The following VWF variants were observed in gnomAD, a reference collection of about 807,000 sequenced individuals.
The protein encoded by VWF is von Willebrand factor, also known as Factor VIII related antigen.
Under a neutral mutation model 308.6 loss-of-function variants are expected in VWF, and 176 were observed. The ratio of observed to expected loss-of-function variants is 0.57; its 90% CI spans 0.50 to 0.65. The LOEUF (loss-of-function observed/expected upper bound fraction) is 0.65. Ranked by LOEUF, VWF falls within the 30% of genes least tolerant of loss-of-function variation. The pLI is 0.00. For synonymous variants in VWF, 1,385 were observed against 1,443.4 expected (o/e 0.96, Z 0.92); for missense variants, 3,146 against 3,648.2 (o/e 0.86, Z 3.55).
rs1435775407 is a variant in VWF, at chr12:6,025,663, G to A, written c.3139C>T (p.His1047Tyr). The part of the protein sequence containing the change: ...VPLDSSPATC[H>Y]NNIMKQTMVD... ...ATCGTCTGCTTCATGATGTTGTTAT[G>A]GCAGGTGGCAGGGGATGAGTCCAGA... is the stretch of plus-strand genomic sequence containing the variant. Residue 1047 changes from histidine to tyrosine, a missense_variant, in exon 24 of 52, where the codon CAT becomes TAT. By Grantham distance (83) the His-to-Tyr change is moderately conservative. Around this residue, in one of 3 missense-constraint regions of VWF, gnomAD observed 853 missense variants for 1,177.8 expected, o/e 0.72. Transcript: ENST00000261405. The A allele has an allele frequency of 1.9e-6, 3 of 1,565,706 alleles. No individual in the cohort carries two copies.
intron 3 of VWF, among the ~76,000 whole-genome samples, chr12:6,115,222 C>T (rs1289352664): frequency 6.6e-6 from 1 of 151,762 alleles, no homozygotes; most frequent in Non-Finnish European, 1.5e-5. Flanking sequence ...TATTTTTGTA[C>T]AGATGGGGGT....
intron 6 of VWF, among the ~76,000 whole-genome samples, chr12:6,081,509 T>C (rs1944909966): frequency 1.3e-5 from 2 of 152,260 alleles, no homozygotes; most frequent in South Asian, 4.2e-4. Context: ...CCAGCTAATT[T>C]TTGTATTTTT....
intron 42 of VWF, among the ~76,000 whole-genome samples, chr12:5,977,099 T>C (rs216856): frequency 0.6 from 91,851 of 152,096 alleles, 28,433 homozygotes; most frequent in Admixed American, 0.69. Flanking sequence ...AATGAACTTA[T>C]TGAATGAGAC....
chr12:6,105,916 G>A (rs548077177), intron 5 of VWF, among the ~76,000 whole-genome samples: 6 of 152,072 alleles, frequency 3.9e-5, no homozygotes, highest in South Asian at 4.2e-4. Flanking sequence ...GGTGGCATGC[G>A]CCTGTAGTCC....
Position 6,121,278 on chromosome 12 carries a change from C to T in VWF, c.116G>A (p.Gly39Glu), listed in dbSNP as rs762049443. The change falls in exon 3 of 52, where the codon GGA (glycine) becomes GAA (glutamate). Residue 39 changes from glycine (G) to glutamate (E), a missense_variant. Around this residue, in one of 3 missense-constraint regions of VWF, gnomAD observed 1,304 missense variants for 1,353.0 expected, o/e 0.96. Transcript: ENST00000261405. ...RSSTARCSLF[G>E]SDFVNTFDGS... ...ATCAAAGGTGTTGACGAAGTCACTT[C>T]CGAAAAGGCTGCATCGGGCCGTGGA... 6.2e-7 allele frequency: 1 copy of T among 1,614,218 alleles called. No individual in the cohort carries two copies. The highest frequency in any genetic ancestry group is 8.5e-7 in the Non-Finnish European group (1 of 1,180,038).
intron 15 of VWF, among the ~76,000 whole-genome samples, chr12:6,055,225 G>A (rs907626476): frequency 1.3e-5 from 2 of 152,172 alleles, no homozygotes; most frequent in South Asian, 2.1e-4. Context: ...CATTCCAGGA[G>A]AATGTCCTAA....
At position 5,948,906 on chromosome 12, in the gene VWF, G is replaced by T; in HGVS notation, c.*109C>A. 7.7e-7 allele frequency: 1 copy of T among 1,296,220 alleles called. No individual in the cohort carries two copies. The highest frequency in any genetic ancestry group is 1.1e-6 in the Non-Finnish European group (1 of 918,926). The allele number at this position is 1,296,220 out of a possible 1,614,324, so 80.3% of individuals were successfully genotyped here. On this transcript the variant is annotated 3_prime_UTR_variant, in exon 52 of 52. Transcript: ENST00000261405. This position sits in a 1 kb window ranked among gnomAD's most constrained non-coding sequence, Gnocchi z 4.4. ...GCAAGATAAGAGCTCAGCCTTTATT[G>T]TGGGCTCAGAAGGGCACAAGAGCAG...
Position 6,110,408 on chromosome 12 carries a change from G to A in VWF, c.498C>T (p.Asn166=). The A allele has an allele frequency of 1.2e-6, 2 of 1,614,194 alleles. 1 individual carries two copies. The highest frequency in any genetic ancestry group is 2.7e-5 in the African/African-American group (2 of 75,054). The part of the protein sequence containing the change: ...NKTCGLCGNF[N]IFAEDDFMTQ... ...TCATAAAGTCATCTTCAGCAAAGAT[G>A]TTAAAGTTGCCACACAGCCCGCAGG... is the stretch of plus-strand genomic sequence containing the variant. The change falls in exon 5 of 52, where the codon AAC becomes AAT. Residue 166 remains asparagine (N), a synonymous_variant. Transcript: ENST00000261405.
chr12:6,044,179 T>C, intron 18 of VWF, 112 bp downstream of exon 18: 5 of 1,370,846 alleles, frequency 3.6e-6, no homozygotes, highest in Non-Finnish European at 5.0e-6. Context: ...CCTCCATTGC[T>C]ATCCGTGTTT....
At chr12:6,087,024 G>A (rs994497825) in intron 6 of VWF, among the ~76,000 whole-genome samples, 1 of 152,180 alleles carries the variant, frequency 6.6e-6, no homozygotes, top group Non-Finnish European at 1.5e-5. Context: ...GGACGCGAGA[G>A]AATGTGAAGA....
chr12:6,085,413 G>C (rs2239151), intron 6 of VWF, among the ~76,000 whole-genome samples: 42,234 of 151,772 alleles, frequency 0.28, 6,563 homozygotes, highest in East Asian at 0.45. Flanking sequence ...CTTAGTCTAC[G>C]TTGTATCACG....
chr12:6,056,893 C>T lies in VWF; in HGVS notation c.1909G>A (p.Gly637Ser). The change falls in exon 15 of 52, where the codon GGC becomes AGC. Residue 637 changes from glycine (G) to serine (S), a missense_variant. Gly to Ser is a moderately conservative substitution (Grantham distance 56, BLOSUM62 0). Coordinates refer to ENST00000261405, the MANE Select transcript of VWF (RefSeq NM_000552.5). ...ASYAAACAGR[G>S]VRVAWREPGR... ...GGCTCGCGCCACGCGACGCGCACGC[C>T]TCTCCCCGCGCAGGCCGCGGCATAG... 14 of 1,515,850 alleles carry T rather than the reference C, an allele frequency of 9.2e-6. No homozygotes were observed. Among genetic ancestry groups the T allele is most frequent in the African/African-American group, 1.4e-5 (1 of 70,398 alleles). The allele number at this position is 1,515,850 out of a possible 1,614,324, so 93.9% of individuals were successfully genotyped here.
At chr12:6,026,355 C>G (rs1165485630) in intron 22 of VWF, among the ~76,000 whole-genome samples, 1 of 152,168 alleles carries the variant, frequency 6.6e-6, no homozygotes, top group Non-Finnish European at 1.5e-5. Context: ...CCTGAGATCA[C>G]TGGTGGGAAC....
intron 7 of VWF, among the ~76,000 whole-genome samples, chr12:6,074,436 C>G (rs941595107): frequency 6.6e-6 from 1 of 150,764 alleles, no homozygotes; most frequent in South Asian, 2.1e-4. Flanking sequence ...TGCCCCTTAA[C>G]CCTTCTCCAA....
chr12:5,996,535 TG>T (rs1221833643), intron 34 of VWF, among the ~76,000 whole-genome samples: 1 of 152,148 alleles, frequency 6.6e-6, no homozygotes, highest in African/African-American at 2.4e-5. Context: ...TCTACAGGGA[TG>T]CCTTGGCCCA....
At chr12:5,977,379 C>T (rs1298246005) in intron 42 of VWF, among the ~76,000 whole-genome samples, 1 of 152,130 alleles carries the variant, frequency 6.6e-6, no homozygotes, top group Admixed American at 6.5e-5. Context: ...TGCTGCCATG[C>T]AATGGAGTAC....
chr12:6,111,689 G>A (rs868029047), intron 3 of VWF, among the ~76,000 whole-genome samples: 4 of 151,672 alleles, frequency 2.6e-5, no homozygotes, highest in East Asian at 3.8e-4. Flanking sequence ...GGTGGCTCAC[G>A]CCTGTAATCC....
chr12:5,993,043 C>T (rs1287171771), intron 37 of VWF, among the ~76,000 whole-genome samples: 1 of 152,162 alleles, frequency 6.6e-6, no homozygotes, highest in African/African-American at 2.4e-5. Flanking sequence ...ACTAAGAGAA[C>T]AGTCCATCCA....
In VWF at chr12:6,110,509, C is replaced by T. The variant is rs1190459219; in HGVS notation, c.397G>A (p.Ala133Thr). 1 of 1,614,166 alleles carries T rather than the reference C, an allele frequency of 6.2e-7. No homozygotes were observed. The highest frequency in any genetic ancestry group is 1.7e-5 in the Admixed American group (1 of 60,018). Reference protein sequence around the residue: ...EAGYYKLSGEAYGFVARIDGS... With the variant: ...EAGYYKLSGETYGFVARIDGS... ...TCGATCCTGGCCACAAAGCCATAGG[C>T]CTCACCGGACAGCTTGTAGTACCCA... Residue 133 changes from alanine (A) to threonine (T), a missense_variant, in exon 5 of 52, where the codon GCC becomes ACC. By Grantham distance (58) the Ala-to-Thr change is moderately conservative. Transcript: ENST00000261405.
Sources: gnomAD v4.1 joint callset for allele counts (sites outside exome capture counted in the v4.1 genomes callset) on GRCh38, gnomAD v4.1.1 for gene constraint, gnomAD v4.1.1 regional missense constraint, Gnocchi (gnomAD v3.1) non-coding constraint, MANE v1.5 for transcripts, NCBI Gene and HGNC (gene_info 2026-07-23, HGNC 2026-07-21) for gene names.